Variants in ASXL3 observed in about 807,000 individuals in gnomAD.
ASXL3 encodes putative Polycomb group protein ASXL3.
ASXL3 carries 34 observed loss-of-function variants against 170.6 expected under a neutral mutation model. The observed-to-expected ratio is 0.20, with a 90% confidence interval of 0.15 to 0.27. ASXL3 has a LOEUF of 0.27. ASXL3 is among the 10% of genes least tolerant of loss of function. The probability of loss-of-function intolerance (pLI) is 1.00; values close to 1 mark genes in which losing one functional copy is unlikely to be tolerated. For missense variants in ASXL3, 2,592 were observed against 2,695.3 expected (o/e 0.96, Z 0.85); for synonymous variants, 1,002 against 989.1 (o/e 1.01, Z -0.24).
chr18:33,751,052 A>G lies in ASXL3; in HGVS notation c.*4457A>G, dbSNP rs969894668. On this transcript the variant is annotated 3_prime_UTR_variant, in exon 12 of 12. Coordinates refer to ENST00000269197, the MANE Select transcript of ASXL3 (RefSeq NM_030632.3). ...TACAAAGAAAACAAGTGTTGCCTAC[A>G]AAAGTGACTGCTCACAATACCATAA... is the stretch of plus-strand genomic sequence containing the variant. The G allele has an allele frequency of 3.3e-5, 5 of 152,320 alleles. No homozygotes were observed. In the South Asian group the frequency reaches 8.3e-4, roughly 25 times the overall value. The allele number at this position is 152,320 out of a possible 1,614,324, so 9.4% of individuals were successfully genotyped here.
At chr18:33,694,115 A>G (rs1392293289) in intron 8 of ASXL3, among the ~76,000 whole-genome samples, 1 of 152,198 alleles carries the variant, frequency 6.6e-6, no homozygotes, top group African/African-American at 2.4e-5. Flanking sequence ...AAGTCAGAGC[A>G]GGATTGGTCA....
chr18:33,607,619 C>G lies in ASXL3; in HGVS notation c.80C>G (p.Pro27Arg). 6.3e-7 allele frequency: 1 copy of G among 1,590,072 alleles called. No homozygotes were observed. Among genetic ancestry groups the G allele is most frequent in the Non-Finnish European group, 8.6e-7 (1 of 1,167,390 alleles). The change falls in exon 2 of 12, where the codon CCA (proline) becomes CGA (arginine). Residue 27 changes from proline (P) to arginine (R), a missense_variant. Physicochemically the swap from Pro to Arg is moderately radical, Grantham distance 103. Coordinates refer to ENST00000269197, the MANE Select transcript of ASXL3 (RefSeq NM_030632.3). ...GCACTAGAAAAACACCCCAACTCAC[C>G]AATGACAGCAAAGCAGATATTGGAA... is the stretch of plus-strand genomic sequence containing the variant. ...RLALEKHPNS[P>R]MTAKQILEVI... is the part of the protein sequence containing the mutation.
chr18:33,744,857 C>G lies in ASXL3; in HGVS notation c.5009C>G (p.Ser1670Cys), dbSNP rs574051171. 9 of 1,614,056 alleles carry G rather than the reference C, an allele frequency of 5.6e-6. No homozygotes were observed. In the East Asian group the frequency reaches 1.1e-4, roughly 20 times the overall value. ...ACAAATGTTGCTCTTCCTGTGAAAT[C>G]TGAACTTCACGAAGCAGACAAGGGC... The part of the protein sequence containing the change: ...LVTNVALPVK[S>C]ELHEADKGFR... The change falls in exon 12 of 12, where the codon TCT becomes TGT. Residue 1670 changes from serine (S) to cysteine (C), a missense_variant. This residue lies in a region of ASXL3 where 2,246 missense variants were observed against 2,219.6 expected (regional missense o/e 1.01). Coordinates refer to ENST00000269197, the MANE Select transcript of ASXL3 (RefSeq NM_030632.3).
At chr18:33,645,103 C>A in intron 3 of ASXL3, 101 bp downstream of exon 3, 1 of 621,970 alleles carries the variant, frequency 1.6e-6, no homozygotes. Context: ...AAGAATGACT[C>A]CTATGCCTTT....
intron 8 of ASXL3, among the ~76,000 whole-genome samples, chr18:33,716,007 G>A (rs576837860): frequency 9.2e-5 from 14 of 152,296 alleles, no homozygotes; most frequent in Non-Finnish European, 1.8e-4. Context: ...GTCATGTCAA[G>A]CAGCATTTGA....
intron 8 of ASXL3, among the ~76,000 whole-genome samples, chr18:33,687,104 A>G (rs754802057): frequency 6.6e-6 from 1 of 152,170 alleles, no homozygotes; most frequent in Admixed American, 6.5e-5. Context: ...AAAGGTCTAG[A>G]AGGCAACTAG....
In ASXL3 at chr18:33,740,202, G is replaced by A. The variant is rs1286243500; in HGVS notation, c.2798G>A (p.Arg933Gln). The change falls in exon 11 of 12, where the codon CGG becomes CAG. Residue 933 changes from arginine to glutamine, a missense_variant. Physicochemically the swap from Arg to Gln is conservative, Grantham distance 43 (BLOSUM62 1). Around this residue, in one of 4 missense-constraint regions of ASXL3, gnomAD observed 2,246 missense variants for 2,219.6 expected, o/e 1.01. Transcript: ENST00000269197. Reference protein sequence around the residue: ...KTHKQGSTQSRLETSHTSKSS... With the variant: ...KTHKQGSTQSQLETSHTSKSS... The stretch of plus-strand genomic sequence containing the variant: ...CATAAGCAAGGGAGTACACAGAGTC[G>A]GTTAGAAACCTCACATACTTCCAAG... 3.1e-6 allele frequency: 5 copies of A among 1,613,756 alleles called. No homozygotes were observed. The highest frequency in any genetic ancestry group is 1.6e-4 in the Middle Eastern group (1 of 6,062).
At chr18:33,692,351 C>T (rs1288207447) in intron 8 of ASXL3, among the ~76,000 whole-genome samples, 1 of 152,158 alleles carries the variant, frequency 6.6e-6, no homozygotes, top group African/African-American at 2.4e-5. Context: ...GTCCCAGACT[C>T]TCCACCTTGC....
At chr18:33,670,631 T>C (rs1301817267) in intron 5 of ASXL3, 42 bp from the exon 6 acceptor site, 17 of 1,380,746 alleles carry the variant, frequency 1.2e-5, no homozygotes, top group Non-Finnish European at 1.7e-5. Context: ...GAAATTATTT[T>C]GGCTATATTT....
rs2145412451 is a variant in ASXL3 at position 33,738,871 on chromosome 18, A to G, written c.1467A>G (p.Glu489=). The G allele has an allele frequency of 6.2e-7, 1 of 1,613,602 alleles. No individual in the cohort carries two copies. The highest frequency in any genetic ancestry group is 1.1e-5 in the South Asian group (1 of 91,064). The change falls in exon 11 of 12, where the codon GAA becomes GAG. Residue 489 remains glutamate (E), a synonymous_variant. Coordinates refer to ENST00000269197, the MANE Select transcript of ASXL3 (RefSeq NM_030632.3). ...EAESLTNSHE[E]PQIAPPEDNL... is the part of the protein sequence containing the mutation. Reference sequence around the variant, plus strand: ...AAAGTCTAACCAATTCTCATGAAGAACCCCAAATAGCACCTCCTGAAGATA... The same window carrying G: ...AAAGTCTAACCAATTCTCATGAAGAGCCCCAAATAGCACCTCCTGAAGATA...
At chr18:33,676,931 A>G (rs1334493430) in intron 7 of ASXL3, among the ~76,000 whole-genome samples, 4 of 152,302 alleles carry the variant, frequency 2.6e-5, no homozygotes, top group East Asian at 1.9e-4. Context: ...TACTCTTACC[A>G]TTTGTTTTCT....
Position 33,603,298 on chromosome 18 carries a change from A to T in ASXL3, c.55-4296A>T, listed in dbSNP as rs866146572. Among the ~76,000 whole-genome samples the T allele has an allele frequency of 2.6e-5, 4 of 151,916 alleles. No individual in the cohort carries two copies. The South Asian group carries it at 8.3e-4, about 31-fold the overall frequency. ...GCTTGAGCCAGTGTTCCTGGGCCAG[A>T]AAGGTACTTAAGGACCAAAGTTAAC... On this transcript the variant is annotated intron_variant, in intron 1 of 11. Coordinates refer to ENST00000269197, the MANE Select transcript of ASXL3 (RefSeq NM_030632.3).
chr18:33,698,608 A>G (rs2066814360), intron 8 of ASXL3, among the ~76,000 whole-genome samples: 1 of 152,128 alleles, frequency 6.6e-6, no homozygotes, highest in Non-Finnish European at 1.5e-5. Context: ...ATAGATTTAG[A>G]AGAGGGCTTA....
At chr18:33,586,449 T>G (rs2065035472) in intron 1 of ASXL3, among the ~76,000 whole-genome samples, 1 of 151,946 alleles carries the variant, frequency 6.6e-6, no homozygotes, top group South Asian at 2.1e-4. Flanking sequence ...CAGTTAGAAA[T>G]TGTTGTAATA....
At chr18:33,713,243 GTTTTGT>G in intron 8 of ASXL3, among the ~76,000 whole-genome samples, 1 of 45,490 alleles carries the variant, frequency 2.2e-5, no homozygotes, top group Non-Finnish European at 4.3e-5. Context: ...TTTTTGTTTT[GTTTTGT>G]TTTTTTTTTT....
intron 1 of ASXL3, among the ~76,000 whole-genome samples, chr18:33,605,914 A>G (rs1406535369): frequency 6.6e-6 from 1 of 151,614 alleles, no homozygotes; most frequent in Non-Finnish European, 1.5e-5. Context: ...CATATCTTTT[A>G]TGAGAGACCC....
chr18:33,595,627 A>G (rs1210945242), intron 1 of ASXL3, among the ~76,000 whole-genome samples: 1 of 152,182 alleles, frequency 6.6e-6, no homozygotes, highest in Non-Finnish European at 1.5e-5. Context: ...GAAAGTAACT[A>G]GGACTCTCCC....
chr18:33,606,359 C>T (rs1233785596), intron 1 of ASXL3, among the ~76,000 whole-genome samples: 1 of 151,640 alleles, frequency 6.6e-6, no homozygotes, highest in Non-Finnish European at 1.5e-5. Context: ...AGGGGCTGAT[C>T]AGGATTGGGA....
rs542653307 is a variant in ASXL3, at chr18:33,729,351, G to A, written c.880-2617G>A. ...GGAGTTGCGCCCAGAGACAAACTCT[G>A]CATCTCCAGGCTGTACCTGCAGGGG... On this transcript the variant is annotated intron_variant, in intron 8 of 11. Coordinates refer to ENST00000269197, the MANE Select transcript of ASXL3 (RefSeq NM_030632.3). 3.3e-5 allele frequency among the ~76,000 whole-genome samples: 5 copies of A among 152,234 alleles called. No individual in the cohort carries two copies. In the East Asian group the frequency reaches 9.7e-4, roughly 30 times the overall value.
Sources: allele counts gnomAD v4.1 joint callset (sites outside exome capture counted in the v4.1 genomes callset), GRCh38; gene constraint gnomAD v4.1.1; regional missense constraint gnomAD v4.1.1; transcripts MANE v1.5; gene names NCBI Gene and HGNC (gene_info 2026-07-23, HGNC 2026-07-21).